Variants in AP3B1 observed in about 807,000 individuals in gnomAD.
The protein encoded by AP3B1 is AP-3 complex subunit beta-1.
AP3B1 carries 61 observed loss-of-function variants against 132.5 expected under a neutral mutation model. That is an observed-to-expected ratio of 0.46 (90% CI 0.37 to 0.57). AP3B1 has a LOEUF of 0.57. Ranked by LOEUF, AP3B1 falls within the 20% of genes least tolerant of loss-of-function variation. AP3B1 has a pLI of 0.00. For synonymous variants in AP3B1, 388 were observed against 438.3 expected (o/e 0.89, Z 1.43); for missense variants, 1,120 against 1,289.4 (o/e 0.87, Z 2.01).
chr5:78,014,519 A>G (rs946077601), intron 26 of AP3B1, among the ~76,000 whole-genome samples: 9 of 152,162 alleles, frequency 5.9e-5, no homozygotes, highest in African/African-American at 2.2e-4. Context: ...CACCTGTAGC[A>G]TTTTTCATAT....
At chr5:78,137,054 T>C (rs993956639) in intron 15 of AP3B1, among the ~76,000 whole-genome samples, 1 of 152,150 alleles carries the variant, frequency 6.6e-6, no homozygotes. Context: ...TCTTCCCAAA[T>C]AGAAACTCTG....
At chr5:78,248,564 C>A (rs1042309277) in intron 2 of AP3B1, among the ~76,000 whole-genome samples, 25 of 150,618 alleles carry the variant, frequency 1.7e-4, no homozygotes. Flanking sequence ...TCTTTTATTT[C>A]CACCTCCCCA....
chr5:78,141,131 T>C lies in AP3B1; in HGVS notation c.1650+12A>G, dbSNP rs1467835411. 1.2e-6 allele frequency: 2 copies of C among 1,611,536 alleles called. No individual in the cohort carries two copies. Among genetic ancestry groups the C allele is most frequent in the South Asian group, 1.1e-5 (1 of 91,014 alleles). ...TACGTATTAGATAGGTTGACTAACA[T>C]TTGCCTCTCACCTGTTTGGAGTTGG... On this transcript the variant is annotated intron_variant, in intron 15 of 26. Coordinates refer to ENST00000255194, the MANE Select transcript of AP3B1 (RefSeq NM_003664.5).
chr5:78,143,213 C>A, intron 14 of AP3B1, among the ~76,000 whole-genome samples: 1 of 151,400 alleles, frequency 6.6e-6, no homozygotes, highest in African/African-American at 2.4e-5. Flanking sequence ...AAAGACGATC[C>A]CAAAAACAAG....
intron 5 of AP3B1, 23 bp downstream of exon 5, chr5:78,227,349 T>C: frequency 1.2e-6 from 2 of 1,608,810 alleles, no homozygotes; most frequent in Non-Finnish European, 1.7e-6. Flanking sequence ...AGATCTTTGG[T>C]ATATTGTTAA....
intron 13 of AP3B1, among the ~76,000 whole-genome samples, chr5:78,158,320 T>G (rs1438781787): frequency 6.6e-6 from 1 of 151,898 alleles, no homozygotes; most frequent in African/African-American, 2.4e-5. Context: ...AGCCAGGAGT[T>G]GTGGCACGTG....
At chr5:78,223,579 A>G (rs1746279861) in intron 6 of AP3B1, among the ~76,000 whole-genome samples, 1 of 152,236 alleles carries the variant, frequency 6.6e-6, no homozygotes, top group African/African-American at 2.4e-5. Flanking sequence ...TTTTGGAAAC[A>G]GACATTCCAA....
At chr5:78,028,291 C>A (rs1302244786) in intron 24 of AP3B1, among the ~76,000 whole-genome samples, 2 of 151,702 alleles carry the variant, frequency 1.3e-5, no homozygotes, top group Non-Finnish European at 2.9e-5. Context: ...GAAACCCTGT[C>A]TCTACTGAAA....
At chr5:78,072,712 CTTTTTTTTTTTTTTTTT>C (rs34203981) in intron 22 of AP3B1, among the ~76,000 whole-genome samples, 1 of 68,264 alleles carries the variant, frequency 1.5e-5, no homozygotes, top group African/African-American at 6.3e-5. Flanking sequence ...CTGATATATT[CTTTTTTTTTTTTTTTTT>C]TTTTTTTTTT....
At chr5:78,111,348 T>C (rs1238921813) in intron 19 of AP3B1, among the ~76,000 whole-genome samples, 1 of 152,210 alleles carries the variant, frequency 6.6e-6, no homozygotes, top group Non-Finnish European at 1.5e-5. Flanking sequence ...GACTACATGT[T>C]GGCATTATGC....
intron 22 of AP3B1, among the ~76,000 whole-genome samples, chr5:78,046,997 C>T (rs1263350073): frequency 6.6e-6 from 1 of 152,122 alleles, no homozygotes; most frequent in African/African-American, 2.4e-5. Flanking sequence ...TGATGGTTTC[C>T]AGCTTTATCC....
chr5:78,131,691 T>C (rs931564448), intron 15 of AP3B1, among the ~76,000 whole-genome samples: 2 of 152,122 alleles, frequency 1.3e-5, no homozygotes, highest in Non-Finnish European at 2.9e-5. Flanking sequence ...AAAAGAGTCT[T>C]CACGATAGGT....
chr5:78,097,284 T>TG (rs1408869924), intron 21 of AP3B1, among the ~76,000 whole-genome samples: 1 of 55,434 alleles, frequency 1.8e-5, no homozygotes, highest in Non-Finnish European at 3.6e-5. Context: ...GGGAGGGAGG[T>TG]GGGGGGGTCA....
In AP3B1 at chr5:78,018,702, C is replaced by CACACA. The variant is rs1554057856; in HGVS notation, c.2992+1989_2992+1990insTGTGT. 9.2e-3 allele frequency among the ~76,000 whole-genome samples: 1,299 copies of CACACA among 140,556 alleles called. 26 individuals carry two copies. The highest frequency in any genetic ancestry group is 0.034 in the African/African-American group (1,183 of 34,494). 92.2% of individuals were successfully genotyped at this position (140,556 alleles called of 152,430 possible). A position where few individuals can be genotyped will look rare whatever the true frequency, so the allele number is the denominator to read the frequency against. On this transcript the variant is annotated intron_variant, in intron 25 of 26. Coordinates refer to ENST00000255194, the MANE Select transcript of AP3B1 (RefSeq NM_003664.5). ...CACACACACACACACACACACACAC[C>CACACA]CCTTAAATTTACTTGCATTTTACCT...
At chr5:78,062,833 T>C (rs903601279) in intron 22 of AP3B1, among the ~76,000 whole-genome samples, 2 of 152,148 alleles carry the variant, frequency 1.3e-5, no homozygotes, top group African/African-American at 4.8e-5. Flanking sequence ...CTGAGCGGAA[T>C]TGGAGAGGGA....
At chr5:78,041,231 G>A (rs989137968) in intron 22 of AP3B1, among the ~76,000 whole-genome samples, 20 of 149,930 alleles carry the variant, frequency 1.3e-4, no homozygotes, top group Non-Finnish European at 2.4e-4. Flanking sequence ...CTGAGATCGC[G>A]CCATTGCACT....
At chr5:78,072,913 G>A (rs1449330319) in intron 22 of AP3B1, among the ~76,000 whole-genome samples, 3 of 151,528 alleles carry the variant, frequency 2.0e-5, no homozygotes, top group Admixed American at 2.0e-4. Flanking sequence ...GTAGAGACAG[G>A]GTTTCACCAT....
intron 1 of AP3B1, among the ~76,000 whole-genome samples, chr5:78,289,217 T>C (rs998455754): frequency 3.9e-5 from 6 of 152,216 alleles, no homozygotes; most frequent in African/African-American, 1.2e-4. Flanking sequence ...TCAGAGTTGC[T>C]ATAATTGCGT....
At chr5:78,137,504 T>C (rs375449719) in intron 15 of AP3B1, among the ~76,000 whole-genome samples, 12 of 152,170 alleles carry the variant, frequency 7.9e-5, no homozygotes, top group Non-Finnish European at 1.5e-4. Flanking sequence ...GAATTTCCTT[T>C]TGGAGGTCTA....
Sources: gnomAD v4.1 joint callset for allele counts (sites outside exome capture counted in the v4.1 genomes callset) on GRCh38, gnomAD v4.1.1 for gene constraint, MANE v1.5 for transcripts, NCBI Gene and HGNC (gene_info 2026-07-23, HGNC 2026-07-21) for gene names.